SUPT3H: variants seen among roughly 807,000 people sequenced by gnomAD.
The protein encoded by SUPT3H is SPT3 homolog, SAGA and STAGA complex component.
SUPT3H carries 44 observed loss-of-function variants against 44.3 expected under a neutral mutation model. The ratio of observed to expected loss-of-function variants is 0.99; its 90% CI spans 0.78 to 1.28. The LOEUF (loss-of-function observed/expected upper bound fraction) is 1.28. SUPT3H is among the 50% of genes most tolerant of loss of function. The probability of loss-of-function intolerance (pLI) is 0.00; values close to 1 mark genes in which losing one functional copy is unlikely to be tolerated. For synonymous variants in SUPT3H, 124 were observed against 125.6 expected, an observed-to-expected ratio of 0.99 and a Z score of 0.09; for missense variants, 380 against 387.1, an observed-to-expected ratio of 0.98 and a Z score of 0.15.
intron 2 of SUPT3H, among the ~76,000 whole-genome samples, chr6:45,175,536 G>A (rs1464891572): frequency 6.6e-6 from 1 of 152,108 alleles, no homozygotes; most frequent in Non-Finnish European, 1.5e-5. Context: ...ACATGGGTGT[G>A]GACACAAAGC....
chr6:45,092,578 T>C (rs1797269264), intron 3 of SUPT3H, among the ~76,000 whole-genome samples: 2 of 151,756 alleles, frequency 1.3e-5, no homozygotes, highest in Admixed American at 1.3e-4. Flanking sequence ...GGTGAAACCC[T>C]GCCTCTACTA....
At chr6:44,814,190 A>C (rs370527963) in intron 11 of SUPT3H, among the ~76,000 whole-genome samples, 110 of 152,356 alleles carry the variant, frequency 7.2e-4, no homozygotes, top group African/African-American at 2.6e-3. Context: ...AAAATAATGC[A>C]CATTTTATAA....
intron 3 of SUPT3H, among the ~76,000 whole-genome samples, chr6:45,070,726 A>G: frequency 1.0e-5 from 1 of 96,946 alleles, no homozygotes; most frequent in South Asian, 3.5e-4. Flanking sequence ...TAAGAGCAAA[A>G]CTCTGTCTCA....
At chr6:44,865,616 C>T (rs1284688222) in intron 10 of SUPT3H, among the ~76,000 whole-genome samples, 1 of 152,100 alleles carries the variant, frequency 6.6e-6, no homozygotes, top group African/African-American at 2.4e-5. Flanking sequence ...ACCATTAGAA[C>T]TTATGAAACA....
intron 2 of SUPT3H, among the ~76,000 whole-genome samples, chr6:45,313,503 C>T (rs1784264211): frequency 6.6e-6 from 1 of 152,004 alleles, no homozygotes; most frequent in African/African-American, 2.4e-5. Flanking sequence ...TTCGAGACTA[C>T]TATGAACACC....
intron 2 of SUPT3H, among the ~76,000 whole-genome samples, chr6:45,126,935 T>C (rs967890948): frequency 7.2e-5 from 11 of 152,090 alleles, no homozygotes; most frequent in Admixed American, 2.0e-4. Context: ...ATACAAGAGA[T>C]CATGAGTTCT....
intron 2 of SUPT3H, among the ~76,000 whole-genome samples, chr6:45,150,719 C>CGT (rs1806797135): frequency 1.1e-5 from 1 of 92,372 alleles, no homozygotes; most frequent in South Asian, 3.7e-4. Context: ...CTTTATTCTG[C>CGT]GTTTTTTTTT....
chr6:44,835,286 A>G (rs964833885), intron 10 of SUPT3H, among the ~76,000 whole-genome samples: 1 of 152,096 alleles, frequency 6.6e-6, no homozygotes, highest in African/African-American at 2.4e-5. Flanking sequence ...GATAAAAAAG[A>G]TTTGGAGCAT....
intron 2 of SUPT3H, among the ~76,000 whole-genome samples, chr6:45,320,913 C>A (rs994270299): frequency 5.3e-5 from 8 of 151,996 alleles, no homozygotes; most frequent in African/African-American, 1.9e-4. Flanking sequence ...AATTTAGTAA[C>A]AGTAGTACAA....
intron 2 of SUPT3H, among the ~76,000 whole-genome samples, chr6:45,130,180 T>C (rs1398323699): frequency 6.6e-6 from 1 of 152,176 alleles, no homozygotes; most frequent in Non-Finnish European, 1.5e-5. Flanking sequence ...TATTCCCCAT[T>C]CTCACCCCCT....
At chr6:45,175,195 G>T (rs1162373035) in intron 2 of SUPT3H, among the ~76,000 whole-genome samples, 1 of 151,540 alleles carries the variant, frequency 6.6e-6, no homozygotes, top group East Asian at 1.9e-4. Flanking sequence ...GTGTGTGTGT[G>T]CACATATAAT....
At chr6:44,928,979 A>G (rs969246542) in intron 10 of SUPT3H, among the ~76,000 whole-genome samples, 7 of 151,378 alleles carry the variant, frequency 4.6e-5, no homozygotes, top group Non-Finnish European at 7.4e-5. Context: ...CTGAGTGGGG[A>G]CGGATGGTGT....
At chr6:45,064,944 T>G (rs1421107998) in intron 3 of SUPT3H, among the ~76,000 whole-genome samples, 1 of 149,054 alleles carries the variant, frequency 6.7e-6, no homozygotes, top group Admixed American at 6.7e-5. Flanking sequence ...TGAACTCAGC[T>G]CTGCACCAAG....
chr6:45,177,166 T>C (rs1263400635), intron 2 of SUPT3H, among the ~76,000 whole-genome samples: 1 of 152,052 alleles, frequency 6.6e-6, no homozygotes, highest in Admixed American at 6.5e-5. Context: ...AGTTGAAAAC[T>C]TTGAAAAAAA....
At chr6:45,235,445 C>T (rs1034972371) in intron 2 of SUPT3H, among the ~76,000 whole-genome samples, 4 of 151,766 alleles carry the variant, frequency 2.6e-5, no homozygotes, top group African/African-American at 9.7e-5. Context: ...AGGGAAAGAG[C>T]TCCTTAGAAA....
chr6:45,031,193 A>C (rs1312451303), intron 3 of SUPT3H, among the ~76,000 whole-genome samples: 1 of 152,198 alleles, frequency 6.6e-6, no homozygotes, highest in Non-Finnish European at 1.5e-5. Context: ...GAACTCATAA[A>C]AAAGTTTATA....
At chr6:45,222,152 A>G (rs894591487) in intron 2 of SUPT3H, among the ~76,000 whole-genome samples, 1 of 152,138 alleles carries the variant, frequency 6.6e-6, no homozygotes, top group African/African-American at 2.4e-5. Context: ...CTAAATATAA[A>G]ACATAAAACT....
intron 2 of SUPT3H, among the ~76,000 whole-genome samples, chr6:45,175,183 A>ATG (rs141997897): frequency 2.0e-5 from 3 of 151,968 alleles, no homozygotes; most frequent in Non-Finnish European, 4.4e-5. Flanking sequence ...ATGTTTGCAG[A>ATG]TGTGTGTGTG....
At chr6:44,988,706 T>C (rs905502205) in intron 6 of SUPT3H, among the ~76,000 whole-genome samples, 3 of 151,968 alleles carry the variant, frequency 2.0e-5, no homozygotes, top group Non-Finnish European at 4.4e-5. Context: ...ATGCAATTTC[T>C]GCATCAAATA....
Sources: allele counts gnomAD v4.1 joint callset (sites outside exome capture counted in the v4.1 genomes callset), GRCh38; gene constraint gnomAD v4.1.1; transcripts MANE v1.5; gene names NCBI Gene and HGNC (gene_info 2026-07-23, HGNC 2026-07-21).